PHF14: variants seen among roughly 807,000 people sequenced by gnomAD.
PHF14 encodes the protein PHD finger protein 14.
In PHF14, 55 loss-of-function variants were observed where a neutral mutation model predicts 117.9. That is an observed-to-expected ratio of 0.47 (90% confidence interval 0.38 to 0.58). The LOEUF (loss-of-function observed/expected upper bound fraction) is 0.58, where lower values mean the gene tolerates loss of function less well. Ranked by LOEUF, PHF14 falls within the 20% of genes least tolerant of loss-of-function variation. PHF14 has a pLI of 0.00. For missense variants in PHF14, 978 were observed against 1,122.2 expected, an observed-to-expected ratio of 0.87 and a Z score of 1.84; for synonymous variants, 409 against 368.6, an observed-to-expected ratio of 1.11 and a Z score of -1.26.
intron 4 of PHF14, among the ~76,000 whole-genome samples, chr7:11,013,448 C>A (rs1364524759): frequency 6.6e-6 from 1 of 152,170 alleles, no homozygotes; most frequent in African/African-American, 2.4e-5. Flanking sequence ...AGGCATGAGC[C>A]ACTGCACCCA....
intron 16 of PHF14, chr7:11,108,414 T>C (rs1787340493): frequency 6.6e-6 from 1 of 151,722 alleles, no homozygotes; most frequent in South Asian, 2.1e-4. Flanking sequence ...TGCTACTTAG[T>C]CTTGAAGCTG....
chr7:11,081,464 G>A (rs1419014652), intron 16 of PHF14, among the ~76,000 whole-genome samples: 1 of 151,990 alleles, frequency 6.6e-6, no homozygotes, highest in African/African-American at 2.4e-5. Context: ...ATAATATACC[G>A]TAAATTTTCA....
intron 17 of PHF14, among the ~76,000 whole-genome samples, chr7:11,166,021 G>T (rs565610589): frequency 6.6e-6 from 1 of 152,238 alleles, no homozygotes; most frequent in Non-Finnish European, 1.5e-5. Context: ...ACCAAATTTT[G>T]TCATTTGATA....
At chr7:11,083,464 A>T (rs1048159709) in intron 16 of PHF14, among the ~76,000 whole-genome samples, 266 of 112,028 alleles carry the variant, frequency 2.4e-3, no homozygotes, top group African/African-American at 2.7e-3. Flanking sequence ...TGCTTTCCCT[A>T]TTTTTTTTTT....
At chr7:11,043,910 C>T (rs539089062) in intron 13 of PHF14, among the ~76,000 whole-genome samples, 1 of 152,082 alleles carries the variant, frequency 6.6e-6, no homozygotes, top group South Asian at 2.1e-4. Context: ...CAGTTCTCTC[C>T]TTAAATGAAG....
At chr7:10,995,392 A>C (rs1782602636) in intron 4 of PHF14, among the ~76,000 whole-genome samples, 1 of 152,132 alleles carries the variant, frequency 6.6e-6, no homozygotes, top group African/African-American at 2.4e-5. Flanking sequence ...ACAAACCTTG[A>C]GCTAGACACA....
intron 16 of PHF14, among the ~76,000 whole-genome samples, chr7:11,100,417 A>G (rs1332076574): frequency 6.6e-6 from 1 of 151,966 alleles, no homozygotes; most frequent in South Asian, 2.1e-4. Context: ...TGAGGTATAT[A>G]TATCTCCATT....
intron 16 of PHF14, among the ~76,000 whole-genome samples, chr7:11,069,539 A>T (rs1229191491): frequency 6.7e-6 from 1 of 150,190 alleles, no homozygotes; most frequent in Non-Finnish European, 1.5e-5. Flanking sequence ...TCTTTTATGT[A>T]TTTTTTTTAA....
chr7:11,141,009 T>C (rs1788383247), intron 17 of PHF14, among the ~76,000 whole-genome samples: 1 of 152,106 alleles, frequency 6.6e-6, no homozygotes, highest in Non-Finnish European at 1.5e-5. Context: ...AAATATGTTC[T>C]GAGGAACATA....
At chr7:11,150,388 A>C (rs1025228199) in intron 17 of PHF14, among the ~76,000 whole-genome samples, 1 of 152,166 alleles carries the variant, frequency 6.6e-6, no homozygotes, top group Non-Finnish European at 1.5e-5. Flanking sequence ...AACTAAACAC[A>C]GGTTTGCCTT....
intron 4 of PHF14, among the ~76,000 whole-genome samples, chr7:10,997,992 G>C (rs1240971831): frequency 1.3e-5 from 2 of 152,178 alleles, no homozygotes; most frequent in Non-Finnish European, 2.9e-5. Context: ...CTTAGAGGCT[G>C]CCTACCACAT....
chr7:11,060,871 GGTAA>G (rs745744611), intron 14 of PHF14, among the ~76,000 whole-genome samples: 36 of 151,844 alleles, frequency 2.4e-4, no homozygotes, highest in Non-Finnish European at 1.5e-4. Context: ...CAGATTAAAT[GGTAA>G]GTAGTTAGCC....
intron 16 of PHF14, among the ~76,000 whole-genome samples, chr7:11,073,993 C>T (rs1401519070): frequency 1.3e-5 from 2 of 152,098 alleles, no homozygotes; most frequent in Non-Finnish European, 2.9e-5. Context: ...AAGCAGAGCC[C>T]CAGGCATGGC....
chr7:11,073,398 C>T (rs1210028084), intron 16 of PHF14, among the ~76,000 whole-genome samples: 1 of 152,194 alleles, frequency 6.6e-6, no homozygotes, highest in African/African-American at 2.4e-5. Context: ...ATACATTAAA[C>T]CTTAAAAGCT....
At chr7:11,013,949 T>C (rs545520598) in intron 5 of PHF14, 43 bp downstream of exon 5, 3 of 1,381,660 alleles carry the variant, frequency 2.2e-6, no homozygotes, top group South Asian at 1.4e-5. Flanking sequence ...TGCTTTATAA[T>C]GTGTCTGCCT....
intron 4 of PHF14, among the ~76,000 whole-genome samples, chr7:10,998,520 A>G (rs999962626): frequency 7.2e-5 from 11 of 152,232 alleles, no homozygotes; most frequent in African/African-American, 2.7e-4. Context: ...GAGCTCATTA[A>G]TATAAATATA....
chr7:11,070,237 C>G (rs988847584), intron 16 of PHF14, among the ~76,000 whole-genome samples: 1 of 152,080 alleles, frequency 6.6e-6, no homozygotes, highest in African/African-American at 2.4e-5. Flanking sequence ...GCCACCATGC[C>G]CAGCTGATTT....
intron 5 of PHF14, among the ~76,000 whole-genome samples, chr7:11,018,769 C>T (rs183600932): frequency 1.3e-5 from 2 of 152,204 alleles, no homozygotes; most frequent in East Asian, 3.9e-4. Context: ...CTAGGGCTTC[C>T]AGTACTATGT....
rs79116224 is a variant in PHF14 at position 11,167,620 on chromosome 7, C to A, written c.2773-1796C>A. 8.4e-3 allele frequency among the ~76,000 whole-genome samples: 1,275 copies of A among 152,280 alleles called. 17 individuals are homozygous for A. The highest frequency in any genetic ancestry group is 0.029 in the African/African-American group (1,198 of 41,560). On this transcript the variant is annotated intron_variant, in intron 17 of 17. Coordinates refer to ENST00000634607, the MANE Select transcript of PHF14 (RefSeq NM_001007157.2). ...GATGGACAAATTCAGTGCTACATAT[C>A]AAAAATTTCTTGCCATCCGTACCTG...
Sources: allele counts gnomAD v4.1 joint callset (sites outside exome capture counted in the v4.1 genomes callset), GRCh38; gene constraint gnomAD v4.1.1; transcripts MANE v1.5; gene names NCBI Gene and HGNC (gene_info 2026-07-23, HGNC 2026-07-21).